SLC9A6: variants seen among roughly 807,000 people sequenced by gnomAD.
SLC9A6 encodes the protein sodium/hydrogen exchanger 6.
Under a neutral mutation model 45.3 loss-of-function variants are expected in SLC9A6, and 6 were observed. That is an observed-to-expected ratio of 0.13 (90% confidence interval 0.07 to 0.26). SLC9A6 has a LOEUF of 0.26. Among genes scored for constraint, SLC9A6 ranks in the 10% least tolerant of loss-of-function variants. The probability of loss-of-function intolerance (pLI) is 1.00; values close to 1 mark genes in which losing one functional copy is unlikely to be tolerated. For missense variants in SLC9A6, 278 were observed against 503.7 expected (o/e 0.55, Z 4.29); for synonymous variants, 191 against 187.7 (o/e 1.02, Z -0.14).
chrX:136,032,111 ATGCTAGAGTGCAG>A (rs1322456366), intron 15 of SLC9A6, among the ~76,000 whole-genome samples: 1 of 112,148 alleles, frequency 8.9e-6, no homozygotes, highest in Admixed American at 9.4e-5. Context: ...TCTGTCGGTC[ATGCTAGAGTGCAG>A]TGGCACGATC....
intron 3 of SLC9A6, among the ~76,000 whole-genome samples, chrX:135,995,495 G>T (rs1320808994): frequency 1.8e-5 from 2 of 109,912 alleles, no homozygotes; most frequent in African/African-American, 3.3e-5. Flanking sequence ...GCTGATTTTT[G>T]TATTTTTTAG....
At position 136,013,053 on chromosome X, in the gene SLC9A6, A is replaced by G. The variant is rs1287979866; in HGVS notation, c.990A>G (p.Thr330=). The change falls in exon 9 of 18, where the codon ACA becomes ACG. Residue 330 remains threonine (T), a splice_region_variant and synonymous_variant. Transcript: ENST00000630721. The stretch of plus-strand genomic sequence containing the variant: ...TCTTGGCTGAAGCATGGGGCTTCAC[A>G]GGTAGGTGACTTGCTCCCTTTGATT... The part of the protein sequence containing the change: ...TFLLAEAWGF[T]GVVAVLFCGI... 6 of 1,165,902 alleles carry G rather than the reference A, an allele frequency of 5.1e-6. No homozygotes were observed. Among genetic ancestry groups the G allele is most frequent in the Non-Finnish European group, 7.0e-6 (6 of 855,035 alleles).
intron 8 of SLC9A6, 79 bp downstream of exon 8, chrX:136,010,662 T>A: frequency 1.1e-6 from 1 of 908,301 alleles, no homozygotes; most frequent in Non-Finnish European, 1.6e-6. Flanking sequence ...TTTTCCTAGT[T>A]CTATGATTAG....
chrX:136,027,522 T>C (rs1556620671), intron 13 of SLC9A6, among the ~76,000 whole-genome samples: 1 of 112,100 alleles, frequency 8.9e-6, no homozygotes, highest in African/African-American at 3.2e-5. Context: ...GCAGGGGTTC[T>C]GCACACTTAA....
chrX:135,989,204 G>A (rs1475497079), intron 2 of SLC9A6, among the ~76,000 whole-genome samples: 1 of 110,983 alleles, frequency 9.0e-6, no homozygotes, highest in Non-Finnish European at 1.9e-5. Context: ...TGCCAAAGTG[G>A]TCAGTTTCTA....
At chrX:136,039,997 A>G in intron 16 of SLC9A6, 79 bp from the exon 17 acceptor site, 8 of 777,964 alleles carry the variant, frequency 1.0e-5, no homozygotes, top group Non-Finnish European at 1.6e-5. Context: ...TTACTATACT[A>G]TGATGGTGAT....
upstream of SLC9A6, among the ~76,000 whole-genome samples, chrX:135,982,098 G>C (rs192357219): frequency 5.2e-4 from 58 of 111,384 alleles, no homozygotes; most frequent in African/African-American, 1.8e-3. Context: ...CCCTTAAAAC[G>C]TGAAAAACAT....
At chrX:136,005,638 G>A (rs1265918621) in intron 7 of SLC9A6, among the ~76,000 whole-genome samples, 2 of 106,327 alleles carry the variant, frequency 1.9e-5, no homozygotes, top group African/African-American at 3.5e-5. Context: ...CTGAGATCTC[G>A]GCACTGCCCT....
chrX:136,024,445 T>C lies in SLC9A6; in HGVS notation c.1422T>C (p.Gly474=). ...LIVFFTVWVF[G]GGTTAMLSCL... ...TGTTTTTTACCGTGTGGGTATTTGG[T>C]GGTGGCACCACTGCAATGCTGTCAT... The change falls in exon 13 of 18, where the codon GGT becomes GGC. Residue 474 remains glycine (G), a synonymous_variant. Transcript: ENST00000630721. 1 of 1,210,955 alleles carries C rather than the reference T, an allele frequency of 8.3e-7. No individual in the cohort carries two copies. Among genetic ancestry groups the C allele is most frequent in the Non-Finnish European group, 1.1e-6 (1 of 894,789 alleles).
At chrX:135,982,753 C>A (rs887739959), upstream of SLC9A6, among the ~76,000 whole-genome samples, 1 of 112,424 alleles carries the variant, frequency 8.9e-6, no homozygotes, top group African/African-American at 3.2e-5. Context: ...AGATCAAAGG[C>A]GTAAGCCACC....
chrX:136,005,919 G>T (rs781986823), intron 7 of SLC9A6, among the ~76,000 whole-genome samples: 1 of 111,570 alleles, frequency 9.0e-6, no homozygotes, highest in African/African-American at 3.3e-5. Context: ...GGTGGAGAAG[G>T]ACTGTATCTT....
intron 3 of SLC9A6, among the ~76,000 whole-genome samples, chrX:135,996,782 T>TTTGA (rs2089503416): frequency 9.0e-6 from 1 of 110,930 alleles, no homozygotes; most frequent in Non-Finnish European, 1.9e-5. Flanking sequence ...TGTTTGTTTG[T>TTTGA]TTGAGACAGA....
At chrX:136,005,188 C>T (rs781930371) in intron 7 of SLC9A6, among the ~76,000 whole-genome samples, 11 of 112,397 alleles carry the variant, frequency 9.8e-5, no homozygotes, top group Admixed American at 1.9e-4. Flanking sequence ...TGCCTGTTTC[C>T]TGCATCTTTA....
chrX:136,035,246 G>A (rs1391606610), intron 16 of SLC9A6, among the ~76,000 whole-genome samples: 2 of 111,722 alleles, frequency 1.8e-5, no homozygotes, highest in African/African-American at 3.3e-5. Context: ...TAAAGTACAC[G>A]AATCTTAAGT....
chrX:136,000,977 C>A (rs1391259599), intron 6 of SLC9A6, among the ~76,000 whole-genome samples: 2 of 108,551 alleles, frequency 1.8e-5, no homozygotes, highest in African/African-American at 6.9e-5. Context: ...AAAGCAAGAC[C>A]CTGTCTCTTA....
rs2071574576 is a variant in SLC9A6 at position 136,044,976 on chromosome X, T to C, written c.*252T>C. On this transcript the variant is annotated 3_prime_UTR_variant, in exon 18 of 18. Transcript: ENST00000630721. ...GTTACTTTCACAGTGATGTTGTGTG[T>C]TCTGTTAGTTTTATGTCTCAGTTAA... 2 of 351,381 alleles carry C rather than the reference T, an allele frequency of 5.7e-6. No homozygotes were observed. The highest frequency in any genetic ancestry group is 9.9e-6 in the Non-Finnish European group (2 of 201,403). 29.0% of individuals were successfully genotyped at this position (351,381 alleles called of 1,213,427 possible).
intron 11 of SLC9A6, 36 bp from the exon 12 acceptor site, chrX:136,022,550 A>G (rs1556620018): frequency 1.1e-6 from 1 of 904,720 alleles, no homozygotes; most frequent in Non-Finnish European, 1.6e-6. Context: ...TATTAATAGT[A>G]AAATGAAATG....
At chrX:135,993,490 A>G (rs2089460607) in intron 2 of SLC9A6, among the ~76,000 whole-genome samples, 1 of 112,194 alleles carries the variant, frequency 8.9e-6, no homozygotes, top group Non-Finnish European at 1.9e-5. Context: ...TAGTCGATCA[A>G]TATAGTTTTA....
intron 7 of SLC9A6, among the ~76,000 whole-genome samples, chrX:136,006,386 G>A (rs1424066223): frequency 9.2e-6 from 1 of 108,824 alleles, no homozygotes; most frequent in Non-Finnish European, 1.9e-5. Context: ...ATGTGCCATG[G>A]TGGTTTACTG....
Sources: gnomAD v4.1 joint callset for allele counts (sites outside exome capture counted in the v4.1 genomes callset) on GRCh38, gnomAD v4.1.1 for gene constraint, MANE v1.5 for transcripts, NCBI Gene and HGNC (gene_info 2026-07-23, HGNC 2026-07-21) for gene names.